NACAD: variants seen among roughly 807,000 people sequenced by gnomAD.
The protein encoded by NACAD is NAC-alpha domain-containing protein 1.
NACAD carries 47 observed loss-of-function variants against 98.9 expected under a neutral mutation model. The observed-to-expected ratio is 0.48, with a 90% CI of 0.38 to 0.61. NACAD has a LOEUF of 0.61. NACAD is among the 20% of genes least tolerant of loss of function. NACAD has a pLI of 0.00. For synonymous variants in NACAD, 696 were observed against 767.2 expected, an observed-to-expected ratio of 0.91 and a Z score of 1.53; for missense variants, 1,412 against 1,748.2, an observed-to-expected ratio of 0.81 and a Z score of 3.43.
At position 45,083,411 on chromosome 7, in the gene NACAD, T is replaced by C. The variant is rs1270451079; in HGVS notation, c.2769A>G (p.Thr923=). 8 of 1,550,724 alleles carry C rather than the reference T, an allele frequency of 5.2e-6. No homozygotes were observed. In the Admixed American group the frequency reaches 5.9e-5, roughly 11 times the overall value. The stretch of plus-strand genomic sequence containing the variant: ...CTGTGTCTTGCAGAGGCAGAGGTGC[T>C]GTCATAGCGGAGTCCTGGGGTAAGG... ...GLTLPQDSAM[T]APLPLQDTGP... Residue 923 remains threonine, a synonymous_variant, in exon 2 of 8, where the codon ACA becomes ACG. Coordinates refer to ENST00000490531, the MANE Select transcript of NACAD (RefSeq NM_001146334.2).
Position 45,080,898 on chromosome 7 carries a change from TCTTC to T in NACAD, c.4525_4528del (p.Glu1509ArgfsTer22). ...CACCTCTTCCTCCTCCTCCTCTTCC[TCTTC>T]CTTGCACTCCAGCCTCACCCGGGGC... On this transcript the variant is annotated frameshift_variant, in exon 6 of 8. Transcript: ENST00000490531. LOFTEE classifies it high-confidence loss of function. 6.4e-7 allele frequency: 1 copy of T among 1,557,852 alleles called. No homozygotes were observed. Among genetic ancestry groups the T allele is most frequent in the Non-Finnish European group, 8.7e-7 (1 of 1,150,770 alleles).
At chr7:45,081,901 T>C in intron 2 of NACAD, 34 bp from the exon 3 acceptor site, 1 of 1,532,438 alleles carries the variant, frequency 6.5e-7, no homozygotes, top group Non-Finnish European at 8.8e-7. Flanking sequence ...GATGGCCTTT[T>C]GCTTCTAGGT....
Position 45,088,701 on chromosome 7 carries a change from G to T in NACAD, c.67+127C>A. On this transcript the variant is annotated intron_variant, in intron 1 of 7. Transcript: ENST00000490531. The surrounding 1 kb of genome is among the most constrained non-coding windows in gnomAD (Gnocchi z 5.7). Reference sequence around the variant, plus strand: ...CAGATGGAGGGAAGGACAGGGCGCGGAAAGGGGAGGGGACTCGAGGGGGGC... The same window carrying T: ...CAGATGGAGGGAAGGACAGGGCGCGTAAAGGGGAGGGGACTCGAGGGGGGC... 1.5e-6 allele frequency: 1 copy of T among 667,236 alleles called. No individual in the cohort carries two copies. Among genetic ancestry groups the T allele is most frequent in the African/African-American group, 2.0e-5 (1 of 51,244 alleles). 41.3% of individuals were successfully genotyped at this position (667,236 alleles called of 1,614,324 possible). A position where few individuals can be genotyped will look rare whatever the true frequency, so the allele number is the denominator to read the frequency against.
chr7:45,083,232 T>A lies in NACAD; in HGVS notation c.2948A>T (p.Asn983Ile). ...LGPRPAPEEK[N>I]AALPTVPEPA... Reference sequence around the variant, plus strand: ...CTCCGGGACTGTAGGGAGGGCTGCATTCTTCTCCTCAGGTGCTGGCCTGGG... The same window carrying A: ...CTCCGGGACTGTAGGGAGGGCTGCAATCTTCTCCTCAGGTGCTGGCCTGGG... The change falls in exon 2 of 8, where the codon AAT becomes ATT. Residue 983 changes from asparagine to isoleucine, a missense_variant. This residue lies in a region of NACAD where 572 missense variants were observed against 639.6 expected (regional missense o/e 0.89). Coordinates refer to ENST00000490531, the MANE Select transcript of NACAD (RefSeq NM_001146334.2). 6.4e-7 allele frequency: 1 copy of A among 1,550,890 alleles called. No homozygotes were observed. Among genetic ancestry groups the A allele is most frequent in the Non-Finnish European group, 8.7e-7 (1 of 1,146,916 alleles).
chr7:45,085,389 T>C lies in NACAD; in HGVS notation c.791A>G (p.Glu264Gly). Residue 264 changes from glutamate (E) to glycine (G), a missense_variant, in exon 2 of 8, where the codon GAG becomes GGG. Transcript: ENST00000490531. This position sits in a 1 kb window ranked among gnomAD's most constrained non-coding sequence, Gnocchi z 6.1. Reference protein sequence around the residue: ...SPQGSMVDERELHPAGTPEPP... With the variant: ...SPQGSMVDERGLHPAGTPEPP... ...CTCTGGGGTCCCTGCTGGGTGCAGCTCTCGTTCATCCACCATGGACCCCTG... is the reference window on the plus strand; with the variant it reads ...CTCTGGGGTCCCTGCTGGGTGCAGCCCTCGTTCATCCACCATGGACCCCTG... 1 of 1,547,854 alleles carries C rather than the reference T, an allele frequency of 6.5e-7. No homozygotes were observed. The highest frequency in any genetic ancestry group is 1.7e-4 in the Middle Eastern group (1 of 5,876).
In NACAD at chr7:45,085,753, C is replaced by G; in HGVS notation, c.427G>C (p.Glu143Gln). Residue 143 changes from glutamate to glutamine, a missense_variant, in exon 2 of 8, where the codon GAG (glutamate) becomes CAG (glutamine). Glu to Gln is a conservative substitution (Grantham distance 29). This residue lies in a region of NACAD where 638 missense variants were observed against 722.7 expected (regional missense o/e 0.88). Transcript: ENST00000490531. The surrounding 1 kb of genome is among the most constrained non-coding windows in gnomAD (Gnocchi z 6.1). ...RAARTALRDQEGGHASPDPPP... is the reference protein window; with the variant it reads ...RAARTALRDQQGGHASPDPPP... Reference sequence around the variant, plus strand: ...GGGTCTGGGCTTGCGTGCCCACCCTCCTGGTCCCTGAGCGCTGTCCGGGCA... The same window carrying G: ...GGGTCTGGGCTTGCGTGCCCACCCTGCTGGTCCCTGAGCGCTGTCCGGGCA... The G allele has an allele frequency of 6.5e-7, 1 of 1,549,652 alleles. No homozygotes were observed. Among genetic ancestry groups the G allele is most frequent in the Admixed American group, 2.0e-5 (1 of 50,884 alleles).
rs61740885 is a variant in NACAD, at chr7:45,083,498, C to A, written c.2682G>T (p.Ser894=). Reference sequence around the variant, plus strand: ...CTGCAGCCACAGGCTTTGGGGCTGACGAGAGATCTGTGTCTTGTAGGGGCA... The same window carrying A: ...CTGCAGCCACAGGCTTTGGGGCTGAAGAGAGATCTGTGTCTTGTAGGGGCA... ...PPLPLQDTDL[S]SAPKPVAAAT... The change falls in exon 2 of 8, where the codon TCG becomes TCT. Residue 894 remains serine, a synonymous_variant. Coordinates refer to ENST00000490531, the MANE Select transcript of NACAD (RefSeq NM_001146334.2). The A allele has an allele frequency of 3.8e-5, 24 of 639,008 alleles. No individual in the cohort carries two copies. The highest frequency in any genetic ancestry group is 6.5e-5 in the Non-Finnish European group (24 of 370,354). 39.6% of individuals were successfully genotyped at this position (639,008 alleles called of 1,614,324 possible). A position where few individuals can be genotyped will look rare whatever the true frequency, so the allele number is the denominator to read the frequency against.
At position 45,085,592 on chromosome 7, in the gene NACAD, G is replaced by A. The variant is rs557534398; in HGVS notation, c.588C>T (p.Asp196=). 226 of 1,550,044 alleles carry A rather than the reference G, an allele frequency of 1.5e-4. 1 individual carries two copies. The Middle Eastern group carries it at 6.7e-3, about 46-fold the overall frequency. Residue 196 remains aspartate, a synonymous_variant, in exon 2 of 8, where the codon GAC becomes GAT. Coordinates refer to ENST00000490531, the MANE Select transcript of NACAD (RefSeq NM_001146334.2). This position sits in a 1 kb window ranked among gnomAD's most constrained non-coding sequence, Gnocchi z 6.1. Reference sequence around the variant, plus strand: ...GCAGCTCAGCCTCTGAGTCCCTGGCGTCCCCGTGGGGCCCACAGGCAGGAA... The same window carrying A: ...GCAGCTCAGCCTCTGAGTCCCTGGCATCCCCGTGGGGCCCACAGGCAGGAA... The part of the protein sequence containing the change: ...ALLPACGPHG[D]ARDSEAELRD...
In NACAD at chr7:45,081,835, A is replaced by T; in HGVS notation, c.4105T>A (p.Ser1369Thr). The T allele has an allele frequency of 6.5e-7, 1 of 1,548,576 alleles. No homozygotes were observed. The highest frequency in any genetic ancestry group is 8.7e-7 in the Non-Finnish European group (1 of 1,146,898). Reference protein sequence around the residue: ...SPRALGSGQHSDSHGESSAEL... With the variant: ...SPRALGSGQHTDSHGESSAEL... ...GCTGATGACTCCCCGTGGCTATCCGAATGCTGGCCCGAGCCCAGGGCCCGA... is the reference window on the plus strand; with the variant it reads ...GCTGATGACTCCCCGTGGCTATCCGTATGCTGGCCCGAGCCCAGGGCCCGA... Residue 1369 changes from serine (S) to threonine (T), a missense_variant, in exon 3 of 8, where the codon TCG becomes ACG. This residue lies in a region of NACAD where 572 missense variants were observed against 639.6 expected (regional missense o/e 0.89). Coordinates refer to ENST00000490531, the MANE Select transcript of NACAD (RefSeq NM_001146334.2).
chr7:45,082,220 C>T lies in NACAD; in HGVS notation c.3960G>A (p.Leu1320=). 6.5e-7 allele frequency: 1 copy of T among 1,542,368 alleles called. No homozygotes were observed. The highest frequency in any genetic ancestry group is 8.8e-7 in the Non-Finnish European group (1 of 1,141,842). ...VASMDAKDLA[L]QILPPCQVPP... ...GCACTTGGCAAGGCGGCAAGATCTG[C>T]AAGGCCAGGTCTTTGGCATCCATGG... The change falls in exon 2 of 8, where the codon TTG becomes TTA. Residue 1320 remains leucine (L), a synonymous_variant. Coordinates refer to ENST00000490531, the MANE Select transcript of NACAD (RefSeq NM_001146334.2). The surrounding 1 kb of genome is among the most constrained non-coding windows in gnomAD (Gnocchi z 4.5).
rs773971175 is a variant in NACAD at position 45,083,029 on chromosome 7, C to T, written c.3151G>A (p.Glu1051Lys). 1.0e-4 allele frequency: 161 copies of T among 1,550,826 alleles called. No individual in the cohort carries two copies. Among genetic ancestry groups the T allele is most frequent in the Admixed American group, 3.7e-4 (19 of 50,988 alleles). ...IAEALSRPGR[E>K]ACLEARAHTG... ...TGCGCTCGCGCTTCCAGACATGCTT[C>T]CCGTCCAGGCCTAGAAAGGGCTTCT... is the stretch of plus-strand genomic sequence containing the variant. Residue 1051 changes from glutamate (E) to lysine (K), a missense_variant, in exon 2 of 8, where the codon GAA becomes AAA. By Grantham distance (56) the Glu-to-Lys change is moderately conservative (BLOSUM62 1). This residue lies in a region of NACAD where 572 missense variants were observed against 639.6 expected (regional missense o/e 0.89). Coordinates refer to ENST00000490531, the MANE Select transcript of NACAD (RefSeq NM_001146334.2).
rs1343308046 is a variant in NACAD at position 45,080,900 on chromosome 7, T to C, written c.4527A>G (p.Glu1509=). The change falls in exon 6 of 8, where the codon GAA becomes GAG. Residue 1509 remains glutamate (E), a synonymous_variant. Transcript: ENST00000490531. ...PRPRVRLECK[E]EEEEEEEEVD... is the part of the protein sequence containing the mutation. The stretch of plus-strand genomic sequence containing the variant: ...CCTCTTCCTCCTCCTCCTCTTCCTC[T>C]TCCTTGCACTCCAGCCTCACCCGGG... 6.4e-7 allele frequency: 1 copy of C among 1,557,636 alleles called. No homozygotes were observed. Among genetic ancestry groups the C allele is most frequent in the Admixed American group, 1.9e-5 (1 of 51,598 alleles).
chr7:45,088,243 C>T lies in NACAD; in HGVS notation c.67+585G>A, dbSNP rs1433576595. 6.6e-6 allele frequency among the ~76,000 whole-genome samples: 1 copy of T among 152,226 alleles called. No individual in the cohort carries two copies. Among genetic ancestry groups the T allele is most frequent in the African/African-American group, 2.4e-5 (1 of 41,456 alleles). ...GGACAGGTGGTCTGCACACCCAGGG[C>T]CATTGCTAATCAGGCCACCTCCCCC... On this transcript the variant is annotated intron_variant, in intron 1 of 7. Transcript: ENST00000490531. The surrounding 1 kb of genome is among the most constrained non-coding windows in gnomAD (Gnocchi z 5.7).
rs372515241 is a variant in NACAD at position 45,082,673 on chromosome 7, G to A, written c.3507C>T (p.Asp1169=). Residue 1169 remains aspartate, a synonymous_variant, in exon 2 of 8, where the codon GAC becomes GAT. Coordinates refer to ENST00000490531, the MANE Select transcript of NACAD (RefSeq NM_001146334.2). This position sits in a 1 kb window ranked among gnomAD's most constrained non-coding sequence, Gnocchi z 4.5. Reference sequence around the variant, plus strand: ...TTGGTGCAGACGTGGGGGCAGGCGCGTCAGGGCAGCCTCTGTCCAGACTGG... The same window carrying A: ...TTGGTGCAGACGTGGGGGCAGGCGCATCAGGGCAGCCTCTGTCCAGACTGG... The part of the protein sequence containing the change: ...AVSSLDRGCP[D]APAPTSAPTS... 6.6e-6 allele frequency: 10 copies of A among 1,506,786 alleles called. No homozygotes were observed. The highest frequency in any genetic ancestry group is 2.5e-5 in the East Asian group (1 of 40,504). The allele number at this position is 1,506,786 out of a possible 1,614,324, so 93.3% of individuals were successfully genotyped here.
At chr7:45,087,009 A>C (rs1348506840) in intron 1 of NACAD, among the ~76,000 whole-genome samples, 1 of 151,908 alleles carries the variant, frequency 6.6e-6, no homozygotes, top group Non-Finnish European at 1.5e-5. Context: ...CACTCCCCCA[A>C]CCCGCTGGGC....
rs1028722630 is a variant in NACAD, at chr7:45,082,305, C to T, written c.3875G>A (p.Gly1292Glu). 6.4e-7 allele frequency: 1 copy of T among 1,550,628 alleles called. No homozygotes were observed. The change falls in exon 2 of 8, where the codon GGG becomes GAG. Residue 1292 changes from glycine (G) to glutamate (E), a missense_variant. By Grantham distance (98) the Gly-to-Glu change is moderately conservative. This residue lies in a region of NACAD where 572 missense variants were observed against 639.6 expected (regional missense o/e 0.89). Coordinates refer to ENST00000490531, the MANE Select transcript of NACAD (RefSeq NM_001146334.2). The surrounding 1 kb of genome is among the most constrained non-coding windows in gnomAD (Gnocchi z 4.5). Reference protein sequence around the residue: ...AAVSGTTQPLGTGPRVSLSPH... With the variant: ...AAVSGTTQPLETGPRVSLSPH... ...CGAGAGGCTGACTCGCGGCCCAGTCCCCAGAGGCTGTGTGGTTCCTGAGAC... is the reference window on the plus strand; with the variant it reads ...CGAGAGGCTGACTCGCGGCCCAGTCTCCAGAGGCTGTGTGGTTCCTGAGAC...
chr7:45,080,842 C>A, intron 6 of NACAD, 34 bp downstream of exon 6: 2 of 1,550,360 alleles, frequency 1.3e-6, no homozygotes, highest in Non-Finnish European at 1.7e-6. Context: ...CCTCCCACCA[C>A]CCCCTGCGAG....
Position 45,083,391 on chromosome 7 carries a change from T to C in NACAD, c.2789A>G (p.Asp930Gly). The C allele has an allele frequency of 1.3e-6, 2 of 1,551,282 alleles. No homozygotes were observed. The highest frequency in any genetic ancestry group is 2.4e-5 in the South Asian group (2 of 84,050). Reference protein sequence around the residue: ...SAMTAPLPLQDTGPTSGPEPL... With the variant: ...SAMTAPLPLQGTGPTSGPEPL... ...CTCTGGACCTGAGGTGGGGCCTGTGTCTTGCAGAGGCAGAGGTGCTGTCAT... is the reference window on the plus strand; with the variant it reads ...CTCTGGACCTGAGGTGGGGCCTGTGCCTTGCAGAGGCAGAGGTGCTGTCAT... Residue 930 changes from aspartate (D) to glycine (G), a missense_variant, in exon 2 of 8, where the codon GAC becomes GGC. Physicochemically the swap from Asp to Gly is moderately conservative, Grantham distance 94. Coordinates refer to ENST00000490531, the MANE Select transcript of NACAD (RefSeq NM_001146334.2).
chr7:45,081,896 C>G, intron 2 of NACAD, 29 bp from the exon 3 acceptor site: 1 of 1,535,712 alleles, frequency 6.5e-7, no homozygotes, highest in Non-Finnish European at 8.8e-7. Flanking sequence ...GTGAGGATGG[C>G]CTTTTGCTTC....
Sources: gnomAD v4.1 joint callset for allele counts (sites outside exome capture counted in the v4.1 genomes callset) on GRCh38, gnomAD v4.1.1 for gene constraint, gnomAD v4.1.1 regional missense constraint, Gnocchi (gnomAD v3.1) non-coding constraint, MANE v1.5 for transcripts, NCBI Gene and HGNC (gene_info 2026-07-23, HGNC 2026-07-21) for gene names.